The following C4BPA variants were observed in gnomAD, a reference collection of about 807,000 sequenced individuals.
The protein encoded by C4BPA is C4b-binding protein alpha chain.
C4BPA carries 31 observed loss-of-function variants against 63.7 expected under a neutral mutation model. That is an observed-to-expected ratio of 0.49 (90% confidence interval 0.37 to 0.66). The LOEUF (loss-of-function observed/expected upper bound fraction) is 0.66. C4BPA is among the 30% of genes least tolerant of loss of function. The probability of loss-of-function intolerance (pLI) is 0.00; values close to 1 mark genes in which losing one functional copy is unlikely to be tolerated. For missense variants in C4BPA, 572 were observed against 723.3 expected, an observed-to-expected ratio of 0.79 and a Z score of 2.40; for synonymous variants, 259 against 254.7, an observed-to-expected ratio of 1.02 and a Z score of -0.16.
In C4BPA at chr1:207,144,271, G is replaced by C. The variant is rs115759239; in HGVS notation, c.1621-273G>C. 3.9e-3 allele frequency among the ~76,000 whole-genome samples: 597 copies of C among 152,244 alleles called. 3 individuals are homozygous for C. Among genetic ancestry groups the C allele is most frequent in the African/African-American group, 0.014 (588 of 41,532 alleles). On this transcript the variant is annotated intron_variant, in intron 11 of 11. Transcript: ENST00000367070. ...TGATTTCTAGCCTAACTTTTGCTAA[G>C]CTATATAATATATTGTTGTTCCATT...
intron 8 of C4BPA, among the ~76,000 whole-genome samples, chr1:207,132,259 G>A (rs1048603543): frequency 6.6e-6 from 1 of 152,210 alleles, no homozygotes; most frequent in Non-Finnish European, 1.5e-5. Context: ...CACTTCGTAA[G>A]GATAGAAAGG....
intron 1 of C4BPA, among the ~76,000 whole-genome samples, chr1:207,111,462 C>A (rs980972870): frequency 6.6e-6 from 1 of 152,178 alleles, no homozygotes; most frequent in Non-Finnish European, 1.5e-5. Flanking sequence ...CCACAGCTGA[C>A]AACAGGTGGA....
chr1:207,118,091 AT>A (rs889000486), intron 4 of C4BPA, among the ~76,000 whole-genome samples: 15 of 151,628 alleles, frequency 9.9e-5, no homozygotes, highest in Non-Finnish European at 2.1e-4. Context: ...TATTTATCCA[AT>A]TTGTATTGTA....
At chr1:207,132,773 A>C (rs1033210880) in intron 8 of C4BPA, among the ~76,000 whole-genome samples, 10 of 152,166 alleles carry the variant, frequency 6.6e-5, no homozygotes, top group Non-Finnish European at 1.5e-4. Flanking sequence ...CTATAATCCC[A>C]GTACTTTGGG....
intron 9 of C4BPA, among the ~76,000 whole-genome samples, chr1:207,139,155 G>T (rs530349331): frequency 6.6e-6 from 1 of 152,324 alleles, no homozygotes; most frequent in South Asian, 2.1e-4. Context: ...GGAAAGGAAA[G>T]AAGGGCCTCT....
At chr1:207,108,762 G>T (rs889466970) in intron 1 of C4BPA, among the ~76,000 whole-genome samples, 1 of 151,956 alleles carries the variant, frequency 6.6e-6, no homozygotes, top group Non-Finnish European at 1.5e-5. Flanking sequence ...TCTCTCTGTC[G>T]CCCAGGCTGG....
intron 4 of C4BPA, among the ~76,000 whole-genome samples, chr1:207,120,599 A>T (rs1558090330): frequency 6.6e-6 from 1 of 152,188 alleles, no homozygotes; most frequent in Non-Finnish European, 1.5e-5. Context: ...ACCCATCTCT[A>T]AAGAATAAAA....
chr1:207,118,178 T>TATCTATCTATC (rs1558089411), intron 4 of C4BPA, among the ~76,000 whole-genome samples: 6 of 119,392 alleles, frequency 5.0e-5, no homozygotes, highest in Non-Finnish European at 1.1e-4. Flanking sequence ...TATCTATCTA[T>TATCTATCTATC]ATCTATCTAT....
At chr1:207,142,019 A>C (rs1001091121) in intron 10 of C4BPA, among the ~76,000 whole-genome samples, 1 of 152,124 alleles carries the variant, frequency 6.6e-6, no homozygotes, top group Non-Finnish European at 1.5e-5. Flanking sequence ...TGCTGCACCC[A>C]TCAACCTGTC....
At chr1:207,141,937 T>C (rs1050358745) in intron 10 of C4BPA, among the ~76,000 whole-genome samples, 2 of 152,356 alleles carry the variant, frequency 1.3e-5, no homozygotes, top group Middle Eastern at 3.4e-3. Flanking sequence ...TTTTTTATTA[T>C]ACTTTAAGTT....
intron 4 of C4BPA, 29 bp from the exon 5 acceptor site, chr1:207,123,893 C>T: frequency 2.3e-6 from 3 of 1,313,252 alleles, no homozygotes; most frequent in South Asian, 1.2e-5. Flanking sequence ...GGAGGAATTC[C>T]ATTAAAATCT....
intron 4 of C4BPA, 114 bp from the exon 5 acceptor site, chr1:207,123,808 G>A (rs1175496648): frequency 3.1e-6 from 2 of 648,512 alleles, no homozygotes; most frequent in Non-Finnish European, 5.4e-6. Context: ...TGATATCCAA[G>A]AACATATGAT....
At chr1:207,119,027 A>G (rs1232591143) in intron 4 of C4BPA, among the ~76,000 whole-genome samples, 1 of 30,058 alleles carries the variant, frequency 3.3e-5, no homozygotes, top group East Asian at 2.5e-3. Context: ...GAGTGCTTCA[A>G]GGACAAACTG....
chr1:207,130,267 C>A (rs946749828), intron 7 of C4BPA, among the ~76,000 whole-genome samples: 2 of 152,154 alleles, frequency 1.3e-5, no homozygotes, highest in African/African-American at 2.4e-5. Flanking sequence ...TCACATCCAG[C>A]AGAATGGCTG....
intron 4 of C4BPA, among the ~76,000 whole-genome samples, chr1:207,115,906 G>A (rs2102333420): frequency 6.6e-6 from 1 of 152,308 alleles, no homozygotes; most frequent in South Asian, 2.1e-4. Flanking sequence ...TTGTTGTGTA[G>A]TTGTGTCATG....
At position 207,144,607 on chromosome 1, in the gene C4BPA, C is replaced by A. The variant is rs756334159; in HGVS notation, c.1684C>A (p.Pro562Thr). The A allele has an allele frequency of 6.2e-7, 1 of 1,613,398 alleles. No homozygotes were observed. Among genetic ancestry groups the A allele is most frequent in the Non-Finnish European group, 8.5e-7 (1 of 1,179,728 alleles). Residue 562 changes from proline to threonine, a missense_variant, in exon 12 of 12, where the codon CCA becomes ACA. Transcript: ENST00000367070. ...GKRLMQCLPN[P>T]EDVKMALEVY... ...AAGACTCATGCAGTGTCTCCCAAAC[C>A]CAGAGGATGTGAAAATGGCCCTGGA... is the stretch of plus-strand genomic sequence containing the variant.
At chr1:207,116,796 G>C (rs943441808) in intron 4 of C4BPA, among the ~76,000 whole-genome samples, 1 of 151,958 alleles carries the variant, frequency 6.6e-6, no homozygotes, top group Non-Finnish European at 1.5e-5. Flanking sequence ...ACAGTATACA[G>C]TATGAGGTAC....
At chr1:207,111,441 A>G (rs957276241) in intron 1 of C4BPA, among the ~76,000 whole-genome samples, 9 of 152,194 alleles carry the variant, frequency 5.9e-5, no homozygotes, top group African/African-American at 1.9e-4. Context: ...GACGTGTGTG[A>G]CATGGGGTTC....
intron 4 of C4BPA, among the ~76,000 whole-genome samples, chr1:207,117,483 A>C (rs1684827317): frequency 6.6e-6 from 1 of 152,170 alleles, no homozygotes; most frequent in Non-Finnish European, 1.5e-5. Flanking sequence ...ACTTTAGGAG[A>C]ATAGATATTT....
Sources: gnomAD v4.1 joint callset for allele counts (sites outside exome capture counted in the v4.1 genomes callset) on GRCh38, gnomAD v4.1.1 for gene constraint, MANE v1.5 for transcripts, NCBI Gene and HGNC (gene_info 2026-07-23, HGNC 2026-07-21) for gene names.